SPINK5: variants seen among roughly 807,000 people sequenced by gnomAD.
SPINK5 encodes the protein serine protease inhibitor Kazal-type 5.
Under a neutral mutation model 151.8 loss-of-function variants are expected in SPINK5, and 125 were observed. The ratio of observed to expected loss-of-function variants is 0.82; its 90% CI spans 0.71 to 0.96. SPINK5 has a LOEUF of 0.96. Among genes scored for constraint, SPINK5 ranks in the 40% least tolerant of loss-of-function variants. SPINK5 has a pLI of 0.00. For synonymous variants in SPINK5, 374 were observed against 395.3 expected, an observed-to-expected ratio of 0.95 and a Z score of 0.64; for missense variants, 1,194 against 1,291.9, an observed-to-expected ratio of 0.92 and a Z score of 1.16.
At chr5:148,083,866 TAGG>T (rs2113038788) in intron 4 of SPINK5, among the ~76,000 whole-genome samples, 2 of 151,882 alleles carry the variant, frequency 1.3e-5, no homozygotes, top group African/African-American at 4.8e-5. Context: ...CATTGCCTTC[TAGG>T]AGAATTCCTT....
rs533250127 is a variant in SPINK5, at chr5:148,085,725, C to G, written c.283-680C>G. ...AATAGAGATTTGGGCTTTCTCCTGC[C>G]GTACCTAAAAGATGTTTAGTTTACT... is the stretch of plus-strand genomic sequence containing the variant. On this transcript the variant is annotated intron_variant, in intron 4 of 32. Transcript: ENST00000256084. Among the ~76,000 whole-genome samples the G allele has an allele frequency of 2.0e-5, 3 of 151,842 alleles. No individual in the cohort carries two copies. In the South Asian group the frequency reaches 6.2e-4, roughly 32 times the overall value.
In SPINK5 at chr5:148,118,448, T is replaced by C. The variant is rs200884153; in HGVS notation, c.2124T>C (p.Ala708=). The change falls in exon 23 of 33, where the codon GCT becomes GCC. Residue 708 remains alanine, a synonymous_variant. Transcript: ENST00000256084. ...GGGGNTQDEC[A]EYREQMKNGR... ...TTCTCTGTTTTCAGGACGAATGTGC[T>C]GAGTATCGGGAACAAATGAAAAATG... is the stretch of plus-strand genomic sequence containing the variant. 935 of 1,614,040 alleles carry C rather than the reference T, an allele frequency of 5.8e-4. No individual in the cohort carries two copies. Among genetic ancestry groups the C allele is most frequent in the Non-Finnish European group, 7.3e-4 (860 of 1,180,008 alleles).
At chr5:148,134,063 A>C (rs1390932706) in intron 32 of SPINK5, 176 bp downstream of exon 32, 1 of 696,608 alleles carries the variant, frequency 1.4e-6, no homozygotes, top group Non-Finnish European at 2.6e-6. Context: ...TTACTGAAAT[A>C]AGTGGAAATA....
chr5:148,114,547 C>T lies in SPINK5; in HGVS notation c.2015+58C>T. The T allele has an allele frequency of 2.5e-6, 4 of 1,607,148 alleles. No homozygotes were observed. The South Asian group carries it at 3.3e-5, about 13-fold the overall frequency. ...TGGTGGAATTGGGGAAGCAATGAGC[C>T]AGGCAAATAATATGTATTGTGTTTG... On this transcript the variant is annotated intron_variant, in intron 21 of 32. Coordinates refer to ENST00000256084, the MANE Select transcript of SPINK5 (RefSeq NM_006846.4).
In SPINK5 at chr5:148,101,892, A is replaced by T. The variant is rs571568918; in HGVS notation, c.1414A>T (p.Met472Leu). 7.4e-6 allele frequency: 12 copies of T among 1,613,612 alleles called. No individual in the cohort carries two copies. In the African/African-American group the frequency reaches 1.3e-4, roughly 18 times the overall value. Reference protein sequence around the residue: ...DGKMHGNTCSMCEAFFQQEER... With the variant: ...DGKMHGNTCSLCEAFFQQEER... ...AAAAATGCATGGCAACACCTGCTCCATGTGTGAGGCCTTCTTGTGAGTAGA... is the reference window on the plus strand; with the variant it reads ...AAAAATGCATGGCAACACCTGCTCCTTGTGTGAGGCCTTCTTGTGAGTAGA... The change falls in exon 15 of 33, where the codon ATG (methionine) becomes TTG (leucine). Residue 472 changes from methionine to leucine, a missense_variant. By Grantham distance (15) the Met-to-Leu change is conservative (BLOSUM62 2). Coordinates refer to ENST00000256084, the MANE Select transcript of SPINK5 (RefSeq NM_006846.4).
chr5:148,108,161 T>C (rs1393498270), intron 17 of SPINK5, among the ~76,000 whole-genome samples: 1 of 152,210 alleles, frequency 6.6e-6, no homozygotes, highest in Non-Finnish European at 1.5e-5. Flanking sequence ...TAACATGCTA[T>C]ATGTCAGTAG....
chr5:148,092,337 T>G (rs576816429), intron 8 of SPINK5, among the ~76,000 whole-genome samples: 15 of 152,094 alleles, frequency 9.9e-5, no homozygotes, highest in African/African-American at 3.6e-4. Context: ...TTCAGAACCA[T>G]CTACAGTTTA....
rs190343562 is a variant in SPINK5 at position 148,118,704 on chromosome 5, C to T, written c.2240+140C>T. 59 of 1,282,932 alleles carry T rather than the reference C, an allele frequency of 4.6e-5. No homozygotes were observed. In the South Asian group the frequency reaches 5.0e-4, roughly 11 times the overall value. The allele number at this position is 1,282,932 out of a possible 1,614,324, so 79.5% of individuals were successfully genotyped here. ...CCAAATATTCTATTTTTTTCTCTTG[C>T]GTTCTCTAAGGAACAATGAGCCTTA... On this transcript the variant is annotated intron_variant, in intron 23 of 32. Transcript: ENST00000256084.
chr5:148,111,387 G>T (rs1432937299), intron 18 of SPINK5, among the ~76,000 whole-genome samples: 1 of 152,104 alleles, frequency 6.6e-6, no homozygotes, highest in Non-Finnish European at 1.5e-5. Context: ...TATCTGAAAA[G>T]CCCTTTTTGC....
chr5:148,123,860 C>A lies in SPINK5; in HGVS notation c.2566C>A (p.Gln856Lys), dbSNP rs749983186. 1.9e-6 allele frequency: 3 copies of A among 1,613,752 alleles called. No individual in the cohort carries two copies. In the East Asian group the frequency reaches 6.7e-5, roughly 36 times the overall value. ...TCTGTGTCGTGAATTTCGAAGCATG[C>A]AGAGAAATGGAAAGCTTATCTGCAC... The part of the protein sequence containing the change: ...EDLCREFRSM[Q>K]RNGKLICTRE... The change falls in exon 27 of 33, where the codon CAG becomes AAG. Residue 856 changes from glutamine to lysine, a missense_variant. Gln to Lys is a moderately conservative substitution (Grantham distance 53). Coordinates refer to ENST00000256084, the MANE Select transcript of SPINK5 (RefSeq NM_006846.4).
intron 28 of SPINK5, chr5:148,125,383 G>A (rs1450673474): frequency 4.0e-6 from 3 of 752,884 alleles, no homozygotes; most frequent in Non-Finnish European, 7.0e-6. Context: ...AATCACATTT[G>A]TAGAGTTAGA....
rs1191388629 is a variant in SPINK5 at position 148,131,632 on chromosome 5, GA to G, written c.3095+251del. On this transcript the variant is annotated intron_variant, in intron 31 of 32. Coordinates refer to ENST00000256084, the MANE Select transcript of SPINK5 (RefSeq NM_006846.4). The stretch of plus-strand genomic sequence containing the variant: ...TATGCTCTACTGAGAAGAAGAGAAA[GA>G]AAAAAAATAGTGGAGTTACAATTGC... Among the ~76,000 whole-genome samples, 6 of 151,912 alleles carry G rather than the reference GA, an allele frequency of 3.9e-5. No individual in the cohort carries two copies. The South Asian group carries it at 6.2e-4, about 16-fold the overall frequency.
intron 4 of SPINK5, among the ~76,000 whole-genome samples, chr5:148,083,104 A>G (rs1204801059): frequency 1.3e-5 from 2 of 151,262 alleles, no homozygotes; most frequent in African/African-American, 4.8e-5. Context: ...TTTAAAGTCT[A>G]TATTATTAGG....
At chr5:148,065,453 A>G in intron 2 of SPINK5, 81 bp downstream of exon 2, 1 of 1,462,510 alleles carries the variant, frequency 6.8e-7, no homozygotes, top group Non-Finnish European at 9.5e-7. Flanking sequence ...CCTTCATGTT[A>G]ATAATACAAA....
In SPINK5 at chr5:148,124,769, C is replaced by T. The variant is rs749828824; in HGVS notation, c.2671C>T (p.Arg891Ter). The change falls in exon 28 of 33, where the codon CGA (arginine) becomes TGA (stop). Residue 891 changes from arginine to a stop codon, truncating the protein, a stop_gained. Coordinates refer to ENST00000256084, the MANE Select transcript of SPINK5 (RefSeq NM_006846.4). LOFTEE classifies it high-confidence loss of function. ...TTTTTTTTAATTATTCTGCAGTGATCGAGAAGCTAATGAAAGAAAAAAGAA... is the reference window on the plus strand; with the variant it reads ...TTTTTTTTAATTATTCTGCAGTGATTGAGAAGCTAATGAAAGAAAAAAGAA... ...KCAMCQSIFDREANERKKKDE... is the reference protein window; with the variant it reads ...KCAMCQSIFD 14 of 1,595,832 alleles carry T rather than the reference C, an allele frequency of 8.8e-6. No homozygotes were observed. Among genetic ancestry groups the T allele is most frequent in the South Asian group, 3.4e-5 (3 of 88,452 alleles).
chr5:148,128,575 C>T (rs776546263), intron 30 of SPINK5, among the ~76,000 whole-genome samples: 5 of 152,148 alleles, frequency 3.3e-5, no homozygotes, highest in Non-Finnish European at 5.9e-5. Flanking sequence ...TTCGCCCAGG[C>T]CGGAGTGCAG....
chr5:148,074,136 C>T (rs958291477), intron 4 of SPINK5, among the ~76,000 whole-genome samples: 15 of 151,840 alleles, frequency 9.9e-5, no homozygotes, highest in African/African-American at 3.4e-4. Context: ...GCTTAGACTC[C>T]GCCCATCAGA....
chr5:148,136,304 C>G (rs958587561), intron 32 of SPINK5, among the ~76,000 whole-genome samples: 6 of 152,064 alleles, frequency 3.9e-5, no homozygotes, highest in African/African-American at 1.4e-4. Flanking sequence ...TTCAAGGATT[C>G]AGGAAAACCG....
rs761611196 is a variant in SPINK5, at chr5:148,137,025, TA to T, written c.*37del. Reference sequence around the variant, plus strand: ...TTGTTGAAAGCCATGAGGGAAAAAATAAACCCCAGTTCTGAATCACCTACCT... The same window carrying T: ...TTGTTGAAAGCCATGAGGGAAAAAATAACCCCAGTTCTGAATCACCTACCT... On this transcript the variant is annotated 3_prime_UTR_variant, in exon 33 of 33. Coordinates refer to ENST00000256084, the MANE Select transcript of SPINK5 (RefSeq NM_006846.4). 3.2e-5 allele frequency: 52 copies of T among 1,613,254 alleles called. No homozygotes were observed. In the African/African-American group the frequency reaches 4.7e-4, roughly 14 times the overall value.
Sources: allele counts gnomAD v4.1 joint callset (sites outside exome capture counted in the v4.1 genomes callset), GRCh38; gene constraint gnomAD v4.1.1; transcripts MANE v1.5; gene names NCBI Gene and HGNC (gene_info 2026-07-23, HGNC 2026-07-21).